OSBPL10: variants seen among roughly 807,000 people sequenced by gnomAD.
OSBPL10 encodes oxysterol-binding protein-related protein 10.
Under a neutral mutation model 81.7 loss-of-function variants are expected in OSBPL10, and 49 were observed. That is an observed-to-expected ratio of 0.60 (90% CI 0.48 to 0.76). OSBPL10 has a LOEUF of 0.76. Ranked by LOEUF, OSBPL10 falls within the 30% of genes least tolerant of loss-of-function variation. OSBPL10 has a pLI of 0.00. For missense variants in OSBPL10, 923 were observed against 987.8 expected (o/e 0.93, Z 0.88); for synonymous variants, 419 against 383.6 (o/e 1.09, Z -1.08).
At chr3:31,783,788 TTAAAAAAAAAAAAAAAAA>T (rs1698768485) in intron 4 of OSBPL10, among the ~76,000 whole-genome samples, 2 of 18,908 alleles carry the variant, frequency 1.1e-4, no homozygotes, top group Non-Finnish European at 2.0e-4. Context: ...AAGACTCCGA[TTAAAAAAAAAAAAAAAAA>T]AAAAAAAAAA....
intron 3 of OSBPL10, among the ~76,000 whole-genome samples, chr3:31,870,185 G>T (rs993332517): frequency 1.5e-4 from 23 of 152,242 alleles, no homozygotes; most frequent in African/African-American, 5.1e-4. Flanking sequence ...GTTCCAGGTG[G>T]GCGTGGGCTT....
At chr3:31,718,982 C>A (rs2125633520) in intron 6 of OSBPL10, 3 of 152,246 alleles carry the variant, frequency 2.0e-5, no homozygotes, top group African/African-American at 7.2e-5. Context: ...CTGCTAGAGT[C>A]TTGCTAGATG....
In OSBPL10 at chr3:31,740,290, C is replaced by A. The variant is rs369565655; in HGVS notation, c.941-6879G>T. ...AACTCCTGACCTTGTGATCCACCCGCCTCGGCCTCCCAAAGTGCTGGGATT... is the reference window on the plus strand; with the variant it reads ...AACTCCTGACCTTGTGATCCACCCGACTCGGCCTCCCAAAGTGCTGGGATT... On this transcript the variant is annotated intron_variant, in intron 5 of 11. Coordinates refer to ENST00000396556, the MANE Select transcript of OSBPL10 (RefSeq NM_017784.5). Among the ~76,000 whole-genome samples the A allele has an allele frequency of 2.8e-3, 424 of 152,258 alleles. 2 individuals carry two copies. The highest frequency in any genetic ancestry group is 9.9e-3 in the African/African-American group (412 of 41,542).
intron 7 of OSBPL10, among the ~76,000 whole-genome samples, chr3:31,686,498 G>A (rs930152014): frequency 6.6e-6 from 1 of 152,116 alleles, no homozygotes; most frequent in Non-Finnish European, 1.5e-5. Flanking sequence ...TACAATCCAA[G>A]AATCATAAAA....
chr3:31,915,211 C>A (rs56299105), intron 1 of OSBPL10, among the ~76,000 whole-genome samples: 26,296 of 150,770 alleles, frequency 0.17, 2,831 homozygotes, highest in East Asian at 0.5. Flanking sequence ...GGAAAAAAAA[C>A]CATTACCATG....
intron 1 of OSBPL10, among the ~76,000 whole-genome samples, chr3:31,971,433 C>T (rs1049605723): frequency 1.1e-4 from 16 of 152,200 alleles, no homozygotes; most frequent in Non-Finnish European, 2.4e-4. Flanking sequence ...AGCCACTGCA[C>T]CTGGCCCTAA....
intron 3 of OSBPL10, among the ~76,000 whole-genome samples, chr3:31,868,980 AC>A (rs1701250436): frequency 6.6e-6 from 1 of 152,248 alleles, no homozygotes; most frequent in Non-Finnish European, 1.5e-5. Context: ...ACACATAGCC[AC>A]GAATGGATTA....
intron 4 of OSBPL10, among the ~76,000 whole-genome samples, chr3:31,810,628 G>A (rs775305620): frequency 6.6e-6 from 1 of 151,882 alleles, no homozygotes; most frequent in Non-Finnish European, 1.5e-5. Flanking sequence ...AATAAAAATG[G>A]GCAAAAAACA....
intron 1 of OSBPL10, among the ~76,000 whole-genome samples, chr3:31,966,889 A>G (rs570952744): frequency 2.6e-5 from 4 of 152,330 alleles, no homozygotes; most frequent in Admixed American, 2.6e-4. Flanking sequence ...AATGAAAACC[A>G]TGACACACAT....
At position 31,853,413 on chromosome 3, in the gene OSBPL10, T is replaced by C. The variant is rs1700819084; in HGVS notation, c.537+23020A>G. On this transcript the variant is annotated intron_variant, in intron 3 of 11. Coordinates refer to ENST00000396556, the MANE Select transcript of OSBPL10 (RefSeq NM_017784.5). ...AAAAGCAGCTAAGAATACAAGATGA[T>C]GGAGGTAAAGTCTATGGTAGAGAAA... Among the ~76,000 whole-genome samples, 7 of 152,222 alleles carry C rather than the reference T, an allele frequency of 4.6e-5. 1 individual carries two copies. In the South Asian group the frequency reaches 1.5e-3, roughly 32 times the overall value.
chr3:31,848,159 T>C (rs559237114), intron 3 of OSBPL10, among the ~76,000 whole-genome samples: 86 of 152,212 alleles, frequency 5.7e-4, no homozygotes, highest in African/African-American at 2.0e-3. Flanking sequence ...AGCTTTGTTG[T>C]TCCTTTGGTT....
chr3:31,967,797 A>G (rs1294938876), intron 1 of OSBPL10, among the ~76,000 whole-genome samples: 1 of 152,166 alleles, frequency 6.6e-6, no homozygotes, highest in African/African-American at 2.4e-5. Flanking sequence ...CCTAACAATC[A>G]TTTTTATCAC....
intron 5 of OSBPL10, among the ~76,000 whole-genome samples, chr3:31,738,929 G>A (rs1323379933): frequency 6.6e-6 from 1 of 152,054 alleles, no homozygotes; most frequent in Non-Finnish European, 1.5e-5. Flanking sequence ...AAAAAAACTG[G>A]TAGTAAGCAA....
intron 8 of OSBPL10, among the ~76,000 whole-genome samples, chr3:31,673,257 A>G (rs1239416360): frequency 6.6e-6 from 1 of 152,192 alleles, no homozygotes; most frequent in East Asian, 1.9e-4. Flanking sequence ...GGACCCTTGG[A>G]GAAGAATGGC....
intron 4 of OSBPL10, among the ~76,000 whole-genome samples, chr3:31,762,631 T>A (rs1019121260): frequency 1.0e-4 from 3 of 30,040 alleles, no homozygotes; most frequent in Non-Finnish European, 2.1e-4. Flanking sequence ...ATGCCCAGCA[T>A]TTTTTTTTTT....
chr3:31,882,673 A>G (rs1323866550), intron 1 of OSBPL10, among the ~76,000 whole-genome samples: 3 of 152,156 alleles, frequency 2.0e-5, no homozygotes, highest in Non-Finnish European at 4.4e-5. Context: ...ACACACGCAC[A>G]CACACACACA....
intron 11 of OSBPL10, chr3:31,663,192 AC>A (rs1700108608): frequency 1.0e-6 from 1 of 985,296 alleles, no homozygotes; most frequent in Non-Finnish European, 1.2e-6. Flanking sequence ...GCCCACAGAT[AC>A]ATTTTGATTG....
intron 1 of OSBPL10, among the ~76,000 whole-genome samples, chr3:31,971,445 G>C (rs1698565720): frequency 6.6e-6 from 1 of 152,102 alleles, no homozygotes; most frequent in Non-Finnish European, 1.5e-5. Flanking sequence ...TGGCCCTAAT[G>C]AGTGCTTTCT....
At chr3:31,698,595 C>T (rs562696864) in intron 7 of OSBPL10, among the ~76,000 whole-genome samples, 1 of 152,176 alleles carries the variant, frequency 6.6e-6, no homozygotes, top group African/African-American at 2.4e-5. Flanking sequence ...TGCTGTCTCA[C>T]CAACTTACTC....
Sources: allele counts gnomAD v4.1 joint callset (sites outside exome capture counted in the v4.1 genomes callset), GRCh38; gene constraint gnomAD v4.1.1; transcripts MANE v1.5; gene names NCBI Gene and HGNC (gene_info 2026-07-23, HGNC 2026-07-21).